GON4L: variants seen among roughly 807,000 people sequenced by gnomAD.
The protein encoded by GON4L is gon-4 like.
Under a neutral mutation model 211.8 loss-of-function variants are expected in GON4L, and 87 were observed. That is an observed-to-expected ratio of 0.41 (90% CI 0.35 to 0.49). The LOEUF (loss-of-function observed/expected upper bound fraction) is 0.49. Among genes scored for constraint, GON4L ranks in the 20% least tolerant of loss-of-function variants. The pLI is 0.15. For synonymous variants in GON4L, 875 were observed against 962.6 expected, an observed-to-expected ratio of 0.91 and a Z score of 1.68; for missense variants, 2,155 against 2,659.5, an observed-to-expected ratio of 0.81 and a Z score of 4.17.
chr1:155,770,592 T>C (rs185866074), intron 19 of GON4L, among the ~76,000 whole-genome samples: 2 of 152,270 alleles, frequency 1.3e-5, no homozygotes, highest in East Asian at 1.9e-4. Flanking sequence ...CTCATGCCTG[T>C]AATCCCAGCA....
At chr1:155,822,547 C>T in intron 3 of GON4L, 71 bp from the exon 4 acceptor site, 2 of 1,093,638 alleles carry the variant, frequency 1.8e-6, no homozygotes, top group Non-Finnish European at 2.8e-6. Flanking sequence ...AGAAAGCCAA[C>T]AGTAAAGTGG....
chr1:155,745,884 T>TC (rs1660240227), downstream of GON4L: 1 of 999,854 alleles, frequency 1.0e-6, no homozygotes, highest in Non-Finnish European at 1.5e-6. Context: ...TTTGCCGGTT[T>TC]CGTGGGCGCG....
intron 16 of GON4L, among the ~76,000 whole-genome samples, chr1:155,775,489 C>G (rs1663692673): frequency 6.7e-6 from 1 of 150,338 alleles, no homozygotes; most frequent in Admixed American, 6.6e-5. Context: ...GAGTTTCGCT[C>G]TGTCGCCCAG....
intron 21 of GON4L, chr1:155,764,720 T>A: frequency 1.1e-6 from 1 of 945,412 alleles, no homozygotes; most frequent in Non-Finnish European, 1.6e-6. Context: ...ACTACAGGAG[T>A]GAGCCACCAA....
Position 155,763,410 on chromosome 1 carries a change from T to A in GON4L, c.4628A>T (p.Glu1543Val). Reference protein sequence around the residue: ...EGMESLQKEDEMTDEAVGDSA... With the variant: ...EGMESLQKEDVMTDEAVGDSA... Reference sequence around the variant, plus strand: ...GTCTCCAACTGCTTCATCCGTCATTTCATCCTCTTTCTGCAGGCTTTCCAT... The same window carrying A: ...GTCTCCAACTGCTTCATCCGTCATTACATCCTCTTTCTGCAGGCTTTCCAT... The change falls in exon 22 of 32, where the codon GAA becomes GTA. Residue 1543 changes from glutamate (E) to valine (V), a missense_variant. Glu to Val is a moderately radical substitution (Grantham distance 121). Coordinates refer to ENST00000368331, the MANE Select transcript of GON4L (RefSeq NM_001282860.2). 6.3e-7 allele frequency: 1 copy of A among 1,596,900 alleles called. No individual in the cohort carries two copies. Among genetic ancestry groups the A allele is most frequent in the Non-Finnish European group, 8.5e-7 (1 of 1,171,622 alleles).
chr1:155,759,333 A>G (rs549399177), intron 24 of GON4L, among the ~76,000 whole-genome samples: 1 of 152,184 alleles, frequency 6.6e-6, no homozygotes, highest in African/African-American at 2.4e-5. Flanking sequence ...GCAATTTGGG[A>G]GGTCGAGGTG....
chr1:155,757,092 G>C lies in GON4L; in HGVS notation c.5398-15C>G. ...AAGCCATCAAACTGAGAAGGAGTTG[G>C]TGCTGCTGAGCACAGACACCAGGCC... On this transcript the variant is annotated splice_polypyrimidine_tract_variant and intron_variant, in intron 26 of 31. Coordinates refer to ENST00000368331, the MANE Select transcript of GON4L (RefSeq NM_001282860.2). The C allele has an allele frequency of 6.2e-7, 1 of 1,613,886 alleles. No homozygotes were observed. Among genetic ancestry groups the C allele is most frequent in the Admixed American group, 1.7e-5 (1 of 59,996 alleles).
At chr1:155,780,175 G>A (rs1664274874) in intron 14 of GON4L, among the ~76,000 whole-genome samples, 1 of 152,120 alleles carries the variant, frequency 6.6e-6, no homozygotes, top group African/African-American at 2.4e-5. Context: ...CAACCACTCA[G>A]TTCTGTTCAG....
chr1:155,811,754 C>CAA (rs145360103), intron 10 of GON4L, among the ~76,000 whole-genome samples: 2,575 of 32,912 alleles, frequency 0.078, 450 homozygotes, highest in African/African-American at 0.099. Flanking sequence ...GACTCTGTCT[C>CAA]AAAAAAAAAA....
At chr1:155,782,157 T>C (rs1664485985) in intron 14 of GON4L, among the ~76,000 whole-genome samples, 1 of 152,246 alleles carries the variant, frequency 6.6e-6, no homozygotes, top group African/African-American at 2.4e-5. Flanking sequence ...TTCCTCTCTC[T>C]TCTTTATTGT....
intron 2 of GON4L, among the ~76,000 whole-genome samples, chr1:155,842,564 C>G (rs822501): frequency 1.4e-5 from 2 of 146,756 alleles, no homozygotes; most frequent in Non-Finnish European, 1.5e-5. Context: ...AAGGGCCGGG[C>G]CAGTGGCTCA....
intron 6 of GON4L, among the ~76,000 whole-genome samples, chr1:155,819,099 G>A (rs1403437136): frequency 1.3e-5 from 2 of 151,878 alleles, no homozygotes; most frequent in Non-Finnish European, 2.9e-5. Context: ...AAACCAGGCT[G>A]GCCAAACATG....
Position 155,777,892 on chromosome 1 carries a change from G to C in GON4L, c.1893-72C>G, listed in dbSNP as rs968141675. ...CACAACACATCCAATTCGTTCCAAT[G>C]ATGAGCAAAGAGCCTGAACAATTTT... is the stretch of plus-strand genomic sequence containing the variant. On this transcript the variant is annotated intron_variant, in intron 14 of 31. Transcript: ENST00000368331. 69 of 887,118 alleles carry C rather than the reference G, an allele frequency of 7.8e-5. No homozygotes were observed. The South Asian group carries it at 9.1e-4, about 12-fold the overall frequency. 55.0% of individuals were successfully genotyped at this position (887,118 alleles called of 1,614,324 possible).
chr1:155,856,925 C>G (rs1022803859), intron 1 of GON4L, among the ~76,000 whole-genome samples: 2 of 152,164 alleles, frequency 1.3e-5, no homozygotes, highest in African/African-American at 4.8e-5. Flanking sequence ...CGGCACGGCC[C>G]TCTCCTAGGA....
At chr1:155,764,367 C>T in intron 21 of GON4L, 1 of 165,768 alleles carries the variant, frequency 6.0e-6, no homozygotes, top group Non-Finnish European at 1.3e-5. Flanking sequence ...ATCTGCCCGC[C>T]TTGGCCTCCC....
In GON4L at chr1:155,752,522, C is replaced by T. The variant is rs747956805; in HGVS notation, c.5911G>A (p.Asp1971Asn). The T allele has an allele frequency of 9.4e-6, 15 of 1,597,776 alleles. No individual in the cohort carries two copies. Among genetic ancestry groups the T allele is most frequent in the Non-Finnish European group, 1.2e-5 (14 of 1,172,486 alleles). ...TCTGGTGAATGAGGTGGTGGGCCAT[C>T]CAGGAGGAGCCGTTCTGTAACAGTC... ...EVTVTERLLL[D>N]GPPPHSPETP... The change falls in exon 30 of 32, where the codon GAT becomes AAT. Residue 1971 changes from aspartate to asparagine, a missense_variant. Physicochemically the swap from Asp to Asn is conservative, Grantham distance 23 (BLOSUM62 1). Coordinates refer to ENST00000368331, the MANE Select transcript of GON4L (RefSeq NM_001282860.2).
chr1:155,822,819 G>C (rs1333460928), intron 3 of GON4L, among the ~76,000 whole-genome samples: 2 of 152,122 alleles, frequency 1.3e-5, no homozygotes, highest in Non-Finnish European at 2.9e-5. Context: ...TTGAGACGGA[G>C]TTTTCGCTCT....
Position 155,754,433 on chromosome 1 carries a change from C to A in GON4L, c.5573G>T (p.Gly1858Val). Reference sequence around the variant, plus strand: ...GCTCTTCTTCAGCTTGGAATCTGGACCTCCTTCATGGCAGGAGCAGGCACA... The same window carrying A: ...GCTCTTCTTCAGCTTGGAATCTGGAACTCCTTCATGGCAGGAGCAGGCACA... ...KDCACSCHEG[G>V]PDSKLKKSKR... The change falls in exon 28 of 32, where the codon GGT becomes GTT. Residue 1858 changes from glycine to valine, a missense_variant. Gly to Val is a moderately radical substitution (Grantham distance 109). This residue lies in a region of GON4L where 455 missense variants were observed against 504.6 expected (regional missense o/e 0.90). Coordinates refer to ENST00000368331, the MANE Select transcript of GON4L (RefSeq NM_001282860.2). 1.2e-6 allele frequency: 2 copies of A among 1,613,528 alleles called. No individual in the cohort carries two copies. Among genetic ancestry groups the A allele is most frequent in the Non-Finnish European group, 1.7e-6 (2 of 1,179,644 alleles).
At chr1:155,830,341 G>A (rs556233041) in intron 2 of GON4L, among the ~76,000 whole-genome samples, 7 of 151,440 alleles carry the variant, frequency 4.6e-5, no homozygotes, top group African/African-American at 1.5e-4. Flanking sequence ...GCAATGGCAC[G>A]ATCTCAGCTC....
Sources: gnomAD v4.1 joint callset for allele counts (sites outside exome capture counted in the v4.1 genomes callset) on GRCh38, gnomAD v4.1.1 for gene constraint, gnomAD v4.1.1 regional missense constraint, MANE v1.5 for transcripts, NCBI Gene and HGNC (gene_info 2026-07-23, HGNC 2026-07-21) for gene names.